FHIT: variants seen among roughly 807,000 people sequenced by gnomAD.
FHIT encodes the protein bis(5'-adenosyl)-triphosphatase.
FHIT carries 19 observed loss-of-function variants against 17.9 expected under a neutral mutation model. That is an observed-to-expected ratio of 1.06 (90% CI 0.74 to 1.56). The LOEUF (loss-of-function observed/expected upper bound fraction) is 1.56, where lower values mean the gene tolerates loss of function less well. Ranked by LOEUF, FHIT falls within the 40% of genes most tolerant of loss-of-function variation. FHIT has a pLI of 0.00. For missense variants in FHIT, 248 were observed against 189.2 expected (o/e 1.31, Z -1.82); for synonymous variants, 81 against 69.7 (o/e 1.16, Z -0.81).
At chr3:60,503,621 T>C (rs2034609703) in intron 5 of FHIT, among the ~76,000 whole-genome samples, 1 of 152,122 alleles carries the variant, frequency 6.6e-6, no homozygotes, top group Non-Finnish European at 1.5e-5. Context: ...CCAGGTGAAA[T>C]AATTATAGTT....
At chr3:60,855,173 C>T (rs192768184) in intron 3 of FHIT, among the ~76,000 whole-genome samples, 3 of 152,252 alleles carry the variant, frequency 2.0e-5, no homozygotes, top group East Asian at 3.9e-4. Context: ...AACCCAAATT[C>T]TGACGGGCAG....
intron 3 of FHIT, among the ~76,000 whole-genome samples, chr3:60,904,634 C>A (rs1231957188): frequency 1.3e-5 from 2 of 151,828 alleles, no homozygotes; most frequent in Non-Finnish European, 2.9e-5. Context: ...GCTCCAATCA[C>A]CCTAATATAT....
chr3:60,135,976 G>C (rs560401350), intron 5 of FHIT, among the ~76,000 whole-genome samples: 1 of 151,990 alleles, frequency 6.6e-6, no homozygotes, highest in Non-Finnish European at 1.5e-5. Flanking sequence ...TTTATAAAAC[G>C]TCTCACCATC....
At chr3:60,994,089 G>A (rs1351628651) in intron 3 of FHIT, among the ~76,000 whole-genome samples, 6 of 152,122 alleles carry the variant, frequency 3.9e-5, no homozygotes, top group Admixed American at 3.9e-4. Flanking sequence ...ATGCCGAAAT[G>A]ATAATATTTT....
chr3:60,949,800 A>C (rs907642950), intron 3 of FHIT, among the ~76,000 whole-genome samples: 9 of 152,208 alleles, frequency 5.9e-5, no homozygotes, highest in Non-Finnish European at 8.8e-5. Flanking sequence ...ATGAAAGAAA[A>C]GGTCAAAAGA....
At chr3:60,679,457 T>C (rs916976291) in intron 4 of FHIT, among the ~76,000 whole-genome samples, 5 of 152,184 alleles carry the variant, frequency 3.3e-5, no homozygotes, top group Non-Finnish European at 5.9e-5. Flanking sequence ...CTTATTTATA[T>C]ATTTGCCTTC....
chr3:59,803,875 G>C (rs1249752404), intron 8 of FHIT, among the ~76,000 whole-genome samples: 1 of 152,084 alleles, frequency 6.6e-6, no homozygotes, highest in African/African-American at 2.4e-5. Flanking sequence ...CTGAACATCC[G>C]GGGCATGTAG....
chr3:59,899,007 C>T (rs1704201909), intron 8 of FHIT, among the ~76,000 whole-genome samples: 1 of 152,098 alleles, frequency 6.6e-6, no homozygotes, highest in African/African-American at 2.4e-5. Flanking sequence ...AAAGGTCTTC[C>T]CCTAGTCTGC....
At chr3:59,996,588 A>G (rs1449396327) in intron 7 of FHIT, among the ~76,000 whole-genome samples, 1 of 152,078 alleles carries the variant, frequency 6.6e-6, no homozygotes, top group African/African-American at 2.4e-5. Context: ...AGCTGCTTTT[A>G]ATTAAAGTTA....
At chr3:60,649,568 T>C (rs1553687686) in intron 4 of FHIT, among the ~76,000 whole-genome samples, 1 of 152,106 alleles carries the variant, frequency 6.6e-6, no homozygotes, top group African/African-American at 2.4e-5. Context: ...GATATAAAAT[T>C]CTATGGACAT....
intron 2 of FHIT, among the ~76,000 whole-genome samples, chr3:61,094,366 A>C (rs189156168): frequency 6.6e-6 from 1 of 152,322 alleles, no homozygotes; most frequent in Non-Finnish European, 1.5e-5. Context: ...CTGACAGAAC[A>C]ATAACTTCTT....
intron 2 of FHIT, among the ~76,000 whole-genome samples, chr3:61,192,059 G>T (rs1412762914): frequency 1.3e-5 from 2 of 152,100 alleles, no homozygotes; most frequent in African/African-American, 4.8e-5. Flanking sequence ...GCCAGTGGAT[G>T]TTGCCATGTC....
intron 8 of FHIT, among the ~76,000 whole-genome samples, chr3:59,879,869 C>T (rs944909863): frequency 6.6e-6 from 1 of 152,018 alleles, no homozygotes; most frequent in African/African-American, 2.4e-5. Flanking sequence ...CTCTTTGGGC[C>T]ACATTATTTC....
chr3:60,258,368 C>A (rs1280091198), intron 5 of FHIT, among the ~76,000 whole-genome samples: 2 of 152,102 alleles, frequency 1.3e-5, no homozygotes, highest in African/African-American at 4.8e-5. Context: ...AGCGGCCTCT[C>A]TAAAACTCCA....
intron 8 of FHIT, among the ~76,000 whole-genome samples, chr3:59,905,613 C>G (rs1704550352): frequency 6.6e-6 from 1 of 152,146 alleles, no homozygotes; most frequent in African/African-American, 2.4e-5. Flanking sequence ...GGTTTTGTTT[C>G]AACCACTGTG....
intron 3 of FHIT, among the ~76,000 whole-genome samples, chr3:60,922,076 A>G (rs541644501): frequency 2.6e-5 from 4 of 152,244 alleles, no homozygotes; most frequent in African/African-American, 4.8e-5. Flanking sequence ...GGCAAACCTT[A>G]AAAGAGAGTC....
intron 5 of FHIT, among the ~76,000 whole-genome samples, chr3:60,450,957 ACTT>A (rs889511948): frequency 2.0e-5 from 3 of 152,074 alleles, no homozygotes; most frequent in Non-Finnish European, 4.4e-5. Context: ...AGCAGATAAA[ACTT>A]CTTAATTAAT....
chr3:60,008,586 C>T lies in FHIT; in HGVS notation c.279+2785G>A, dbSNP rs541375242. ...GAAAAGACCATTACTGGGCTTATTG[C>T]TATTACCACTCAGCATGAGACAAAA... On this transcript the variant is annotated intron_variant, in intron 7 of 9. Coordinates refer to ENST00000492590, the MANE Select transcript of FHIT (RefSeq NM_002012.4). Among the ~76,000 whole-genome samples, 149 of 152,236 alleles carry T rather than the reference C, an allele frequency of 9.8e-4. 1 individual carries two copies. Among genetic ancestry groups the T allele is most frequent in the Non-Finnish European group, 1.9e-3 (129 of 68,008 alleles).
intron 5 of FHIT, among the ~76,000 whole-genome samples, chr3:60,470,830 G>T (rs1487493380): frequency 6.6e-6 from 1 of 152,150 alleles, no homozygotes; most frequent in Non-Finnish European, 1.5e-5. Flanking sequence ...CACAACTGAA[G>T]CCAGCAGGGC....
Sources: gnomAD v4.1 joint callset for allele counts (sites outside exome capture counted in the v4.1 genomes callset) on GRCh38, gnomAD v4.1.1 for gene constraint, MANE v1.5 for transcripts, NCBI Gene and HGNC (gene_info 2026-07-23, HGNC 2026-07-21) for gene names.